CMTM6: variants seen among roughly 807,000 people sequenced by gnomAD.
CMTM6 encodes CKLF like MARVEL transmembrane domain containing 6.
CMTM6 carries 5 observed loss-of-function variants against 13.6 expected under a neutral mutation model. The ratio of observed to expected loss-of-function variants is 0.37; its 90% CI spans 0.19 to 0.77. CMTM6 has a LOEUF of 0.77. CMTM6 is among the 30% of genes least tolerant of loss of function. CMTM6 has a pLI of 0.50. For missense variants in CMTM6, 196 were observed against 218.6 expected (o/e 0.90, Z 0.65); for synonymous variants, 99 against 84.5 (o/e 1.17, Z -0.94).
At chr3:32,485,933 A>G (rs544846863) in intron 3 of CMTM6, among the ~76,000 whole-genome samples, 1 of 152,320 alleles carries the variant, frequency 6.6e-6, no homozygotes, top group African/African-American at 2.4e-5. Context: ...ACTGGAGTGC[A>G]GTGGCACAAT....
chr3:32,493,078 A>T (rs1182634613), intron 1 of CMTM6, among the ~76,000 whole-genome samples: 1 of 152,232 alleles, frequency 6.6e-6, no homozygotes, highest in Non-Finnish European at 1.5e-5. Flanking sequence ...CAAAGCATTC[A>T]ATTTAGTTTT....
intron 1 of CMTM6, among the ~76,000 whole-genome samples, chr3:32,496,044 T>C (rs1322170229): frequency 6.8e-6 from 1 of 147,474 alleles, no homozygotes; most frequent in Non-Finnish European, 1.5e-5. Context: ...CTACTAAAAA[T>C]AGAAAAATTA....
rs1697167011 is a variant in CMTM6, at chr3:32,482,774, A to C, written c.*1186T>G. The C allele has an allele frequency of 6.7e-6, 1 of 150,114 alleles. No individual in the cohort carries two copies. 9.3% of individuals were successfully genotyped at this position (150,114 alleles called of 1,614,324 possible). On this transcript the variant is annotated 3_prime_UTR_variant, in exon 4 of 4. Coordinates refer to ENST00000205636, the MANE Select transcript of CMTM6 (RefSeq NM_017801.3). ...CTAGAGCAATGCCTATGTAAGAACA[A>C]GGACTCTCAAGATCCTGCTACACAG...
intron 1 of CMTM6, among the ~76,000 whole-genome samples, chr3:32,496,309 C>T (rs1379432904): frequency 3.3e-5 from 5 of 151,674 alleles, no homozygotes; most frequent in Admixed American, 6.6e-5. Flanking sequence ...CGGCCAGATG[C>T]GATGGCTCAC....
intron 1 of CMTM6, among the ~76,000 whole-genome samples, chr3:32,493,260 G>A (rs1183520418): frequency 1.3e-5 from 2 of 152,226 alleles, no homozygotes; most frequent in Admixed American, 1.3e-4. Flanking sequence ...GGCTGTGGGT[G>A]ACTGGTGTGA....
chr3:32,502,770 G>GCCGCAGCAA lies in CMTM6; in HGVS notation c.-34_-26dup, dbSNP rs1697359094. The stretch of plus-strand genomic sequence containing the variant: ...TCGCCTCGGGCCGGGGAGCGCGGCG[G>GCCGCAGCAA]CCGCAGCAACCGCGCCGTTGACTTC... On this transcript the variant is annotated 5_prime_UTR_variant, in exon 1 of 4. Transcript: ENST00000205636. 2.1e-6 allele frequency: 3 copies of GCCGCAGCAA among 1,406,372 alleles called. No individual in the cohort carries two copies. In the East Asian group the frequency reaches 8.9e-5, roughly 42 times the overall value. The allele number at this position is 1,406,372 out of a possible 1,614,324, so 87.1% of individuals were successfully genotyped here.
Position 32,502,767 on chromosome 3 carries a change from G to A in CMTM6, c.-22C>T. 7.1e-7 allele frequency: 1 copy of A among 1,408,440 alleles called. No individual in the cohort carries two copies. The highest frequency in any genetic ancestry group is 9.2e-7 in the Non-Finnish European group (1 of 1,081,280). The allele number at this position is 1,408,440 out of a possible 1,614,324, so 87.2% of individuals were successfully genotyped here. On this transcript the variant is annotated 5_prime_UTR_variant, in exon 1 of 4. Coordinates refer to ENST00000205636, the MANE Select transcript of CMTM6 (RefSeq NM_017801.3). ...CCATCGCCTCGGGCCGGGGAGCGCG[G>A]CGGCCGCAGCAACCGCGCCGTTGAC...
rs1173274129 is a variant in CMTM6, at chr3:32,482,829, G to C, written c.*1131C>G. The C allele has an allele frequency of 6.8e-6, 1 of 147,228 alleles. No individual in the cohort carries two copies. The highest frequency in any genetic ancestry group is 1.5e-5 in the Non-Finnish European group (1 of 67,530). The allele number at this position is 147,228 out of a possible 1,614,324, so 9.1% of individuals were successfully genotyped here. A position where few individuals can be genotyped will look rare whatever the true frequency, so the allele number is the denominator to read the frequency against. On this transcript the variant is annotated 3_prime_UTR_variant, in exon 4 of 4. Transcript: ENST00000205636. The stretch of plus-strand genomic sequence containing the variant: ...CACAATCAAAAGGGCCCAAGATTCA[G>C]GACCACCTAAAGACAACTGACAAAA...
At position 32,483,336 on chromosome 3, in the gene CMTM6, C is replaced by T. The variant is rs891271156; in HGVS notation, c.*624G>A. The stretch of plus-strand genomic sequence containing the variant: ...ACATAAAATACCAACATCTCCCATA[C>T]ATTTTATAGGCTATACGAAGGTCTC... On this transcript the variant is annotated 3_prime_UTR_variant, in exon 4 of 4. Coordinates refer to ENST00000205636, the MANE Select transcript of CMTM6 (RefSeq NM_017801.3). The T allele has an allele frequency of 6.6e-6, 1 of 152,610 alleles. No individual in the cohort carries two copies. Among genetic ancestry groups the T allele is most frequent in the Non-Finnish European group, 1.5e-5 (1 of 68,054 alleles). 9.5% of individuals were successfully genotyped at this position (152,610 alleles called of 1,614,324 possible).
In CMTM6 at chr3:32,481,883, C is replaced by T. The variant is rs1371500772; in HGVS notation, c.*2077G>A. ...AACACATGGAGGTGAAACCTCAGAA[C>T]AAGCGGAGCTTAAGCTCAATGACAG... On this transcript the variant is annotated 3_prime_UTR_variant, in exon 4 of 4. Transcript: ENST00000205636. 1 of 152,260 alleles carries T rather than the reference C, an allele frequency of 6.6e-6. No individual in the cohort carries two copies. The highest frequency in any genetic ancestry group is 1.5e-5 in the Non-Finnish European group (1 of 68,044). The allele number at this position is 152,260 out of a possible 1,614,324, so 9.4% of individuals were successfully genotyped here.
At chr3:32,488,261 T>A in intron 2 of CMTM6, 2 of 352,678 alleles carry the variant, frequency 5.7e-6, no homozygotes, top group African/African-American at 2.1e-5. Flanking sequence ...GAGAACACAT[T>A]ACAAGATAAA....
intron 1 of CMTM6, among the ~76,000 whole-genome samples, chr3:32,499,745 A>G (rs1233020887): frequency 2.0e-5 from 3 of 152,178 alleles, no homozygotes; most frequent in African/African-American, 4.8e-5. Context: ...AACTTAGGTC[A>G]TATCTAAATG....
chr3:32,484,675 T>A (rs1028444714), intron 3 of CMTM6, among the ~76,000 whole-genome samples: 2 of 152,158 alleles, frequency 1.3e-5, no homozygotes, highest in African/African-American at 4.8e-5. Context: ...TAAAATACGA[T>A]CATACGTTCT....
At position 32,484,024 on chromosome 3, in the gene CMTM6, G is replaced by A. The variant is rs1040277958; in HGVS notation, c.488C>T (p.Ser163Phe). 1.2e-6 allele frequency: 2 copies of A among 1,611,618 alleles called. No individual in the cohort carries two copies. The highest frequency in any genetic ancestry group is 1.7e-4 in the Middle Eastern group (1 of 6,056). ...ITMLYEKRQESQLRKPENTTR... is the reference protein window; with the variant it reads ...ITMLYEKRQEFQLRKPENTTR... The stretch of plus-strand genomic sequence containing the variant: ...GGTATTTTCAGGTTTTCTCAGCTGG[G>A]ACTCCTGTCGTTTTTCATACAGCAT... The change falls in exon 4 of 4, where the codon TCC (serine) becomes TTC (phenylalanine). Residue 163 changes from serine to phenylalanine, a missense_variant. Ser to Phe is a radical substitution (Grantham distance 155). Transcript: ENST00000205636.
chr3:32,496,682 C>T (rs1312004413), intron 1 of CMTM6, among the ~76,000 whole-genome samples: 1 of 151,858 alleles, frequency 6.6e-6, no homozygotes, highest in Non-Finnish European at 1.5e-5. Flanking sequence ...TTCGAAGGAG[C>T]CGGAGAAGGA....
chr3:32,497,857 C>CAAAAAAA (rs5847769), intron 1 of CMTM6, among the ~76,000 whole-genome samples: 1 of 116,848 alleles, frequency 8.6e-6, no homozygotes, highest in Non-Finnish European at 1.8e-5. Context: ...GGCTTCGTCT[C>CAAAAAAA]AAAAAAAAAA....
In CMTM6 at chr3:32,502,628, C is replaced by T. The variant is rs956569134; in HGVS notation, c.118G>A (p.Val40Ile). ...CTCACCAGCTGCAAGCCCTTGAGAA[C>T]GCGCCGGAGCAATGGGAGCCGGCCC... is the stretch of plus-strand genomic sequence containing the variant. ...FMGRLPLLRR[V>I]LKGLQLLLSL... Residue 40 changes from valine to isoleucine, a missense_variant, in exon 1 of 4, where the codon GTT becomes ATT. Physicochemically the swap from Val to Ile is conservative, Grantham distance 29. Transcript: ENST00000205636. 2 of 1,597,284 alleles carry T rather than the reference C, an allele frequency of 1.3e-6. No homozygotes were observed. Among genetic ancestry groups the T allele is most frequent in the Middle Eastern group, 1.7e-4 (1 of 6,002 alleles).
chr3:32,487,796 A>G, intron 3 of CMTM6, 142 bp downstream of exon 3: 1 of 550,068 alleles, frequency 1.8e-6, no homozygotes, highest in Non-Finnish European at 3.3e-6. Context: ...ATTTGCTTGT[A>G]GGTCTTCTAT....
intron 2 of CMTM6, among the ~76,000 whole-genome samples, chr3:32,489,815 A>G (rs1559424347): frequency 1.3e-5 from 2 of 152,200 alleles, no homozygotes; most frequent in Non-Finnish European, 2.9e-5. Flanking sequence ...AAACAAGACA[A>G]TCATTTTTAG....
Sources: gnomAD v4.1 joint callset for allele counts (sites outside exome capture counted in the v4.1 genomes callset) on GRCh38, gnomAD v4.1.1 for gene constraint, MANE v1.5 for transcripts, NCBI Gene and HGNC (gene_info 2026-07-23, HGNC 2026-07-21) for gene names.